CDH3: variants seen among roughly 807,000 people sequenced by gnomAD.
CDH3 encodes cadherin 3, also known as cadherin-3.
In CDH3, 54 loss-of-function variants were observed where a neutral mutation model predicts 82.0. The observed-to-expected ratio is 0.66, with a 90% CI of 0.53 to 0.83. The LOEUF is 0.83. CDH3 is among the 40% of genes least tolerant of loss of function. The probability of loss-of-function intolerance (pLI) is 0.00; values close to 1 mark genes in which losing one functional copy is unlikely to be tolerated. For synonymous variants in CDH3, 446 were observed against 437.9 expected (o/e 1.02, Z -0.23); for missense variants, 1,054 against 1,084.6 (o/e 0.97, Z 0.40).
downstream of CDH3, among the ~76,000 whole-genome samples, chr16:68,729,166 A>C (rs926144618): frequency 2.6e-5 from 4 of 152,250 alleles, no homozygotes; most frequent in South Asian, 8.3e-4. Context: ...TTAGCTGCTC[A>C]TGGTGGTGCT....
downstream of CDH3, among the ~76,000 whole-genome samples, chr16:68,703,354 C>T (rs186108529): frequency 2.6e-5 from 4 of 152,300 alleles, no homozygotes; most frequent in East Asian, 7.7e-4. Context: ...AAGACCCAGC[C>T]CGGGGACTGC....
chr16:68,705,947 C>G (rs925315341), intron 1 of CDH3, among the ~76,000 whole-genome samples: 2 of 151,184 alleles, frequency 1.3e-5, no homozygotes, highest in Admixed American at 1.3e-4. Context: ...TGCCTGTAGT[C>G]CCAGCTACTC....
At chr16:68,706,534 G>C (rs1344019158) in intron 1 of CDH3, among the ~76,000 whole-genome samples, 1 of 141,236 alleles carries the variant, frequency 7.1e-6, no homozygotes, top group Non-Finnish European at 1.5e-5. Flanking sequence ...GGTTCTAGTA[G>C]TCACATTTCC....
At chr16:68,697,619 G>A (rs1961769306) in intron 15 of CDH3, among the ~76,000 whole-genome samples, 1 of 152,158 alleles carries the variant, frequency 6.6e-6, no homozygotes, top group African/African-American at 2.4e-5. Flanking sequence ...AACTGGGTGT[G>A]GCCTGGGCTT....
At chr16:68,727,968 C>T (rs947448066), downstream of CDH3, among the ~76,000 whole-genome samples, 2 of 152,024 alleles carry the variant, frequency 1.3e-5, no homozygotes, top group Non-Finnish European at 2.9e-5. Context: ...TTATAGCAAA[C>T]GGCTGTATGA....
chr16:68,697,970 T>C, intron 15 of CDH3: 1 of 624,494 alleles, frequency 1.6e-6, no homozygotes, highest in Non-Finnish European at 2.9e-6. Flanking sequence ...GGCTGTCTGA[T>C]TTCAGTCCTT....
At chr16:68,683,781 G>C (rs551079720) in intron 9 of CDH3, among the ~76,000 whole-genome samples, 2 of 148,486 alleles carry the variant, frequency 1.3e-5, no homozygotes, top group African/African-American at 5.0e-5. Flanking sequence ...TAAAAAATTC[G>C]CTGGGGCCGG....
chr16:68,692,640 C>T (rs997948786), intron 13 of CDH3, among the ~76,000 whole-genome samples: 3 of 152,220 alleles, frequency 2.0e-5, no homozygotes, highest in African/African-American at 7.2e-5. Context: ...CATTCTGATA[C>T]ATGCTAGAGT....
At chr16:68,723,457 C>T (rs1391572175) in intron 2 of CDH3, among the ~76,000 whole-genome samples, 2 of 152,180 alleles carry the variant, frequency 1.3e-5, no homozygotes, top group African/African-American at 4.8e-5. Context: ...TGCCAGTTTT[C>T]AATCTCAAGA....
intron 2 of CDH3, among the ~76,000 whole-genome samples, chr16:68,653,529 G>C (rs1005641903): frequency 1.3e-5 from 2 of 151,288 alleles, no homozygotes; most frequent in Admixed American, 6.6e-5. Context: ...GAGCCATCGC[G>C]CCCGGCCGGC....
intron 1 of CDH3, 37 bp downstream of exon 1, chr16:68,645,461 G>T (rs1333731032): frequency 6.2e-7 from 1 of 1,606,660 alleles, no homozygotes; most frequent in South Asian, 1.1e-5. Flanking sequence ...GACCGGGACC[G>T]CTCCCTGGGG....
At chr16:68,658,704 A>C (rs1295108765) in intron 2 of CDH3, among the ~76,000 whole-genome samples, 1 of 152,148 alleles carries the variant, frequency 6.6e-6, no homozygotes, top group African/African-American at 2.4e-5. Flanking sequence ...CGCTTCATCC[A>C]GGCTTCCCAC....
At chr16:68,732,416 C>G (rs777881694), downstream of CDH3, among the ~76,000 whole-genome samples, 4 of 152,326 alleles carry the variant, frequency 2.6e-5, no homozygotes, top group Non-Finnish European at 5.9e-5. Context: ...AATCTTTAGC[C>G]TCCAGGCAGG....
intron 2 of CDH3, among the ~76,000 whole-genome samples, chr16:68,649,637 G>T (rs1960181372): frequency 6.6e-6 from 1 of 152,022 alleles, no homozygotes; most frequent in East Asian, 2.0e-4. Context: ...CCTGGGTAAG[G>T]GGGGTCCCTG....
At chr16:68,721,423 G>A (rs990621772) in intron 1 of CDH3, among the ~76,000 whole-genome samples, 3 of 148,600 alleles carry the variant, frequency 2.0e-5, no homozygotes, top group African/African-American at 7.3e-5. Flanking sequence ...TAGTAGAGAC[G>A]GGGTTTCACC....
At chr16:68,712,274 C>A (rs1962041180) in intron 1 of CDH3, among the ~76,000 whole-genome samples, 1 of 147,094 alleles carries the variant, frequency 6.8e-6, no homozygotes, top group South Asian at 2.2e-4. Flanking sequence ...TGGGCTCAAG[C>A]AATCCTCCCA....
intron 2 of CDH3, among the ~76,000 whole-genome samples, chr16:68,665,633 C>T (rs1960712413): frequency 6.6e-6 from 1 of 152,182 alleles, no homozygotes; most frequent in South Asian, 2.1e-4. Flanking sequence ...TTAATTGTTA[C>T]CACAGCTGTC....
intron 13 of CDH3, among the ~76,000 whole-genome samples, chr16:68,693,922 G>C (rs932738504): frequency 6.6e-6 from 1 of 152,132 alleles, no homozygotes; most frequent in African/African-American, 2.4e-5. Context: ...TAGCCTGCCA[G>C]CCTTTCAGAC....
intron 2 of CDH3, among the ~76,000 whole-genome samples, chr16:68,649,291 A>G (rs1275591307): frequency 6.6e-6 from 1 of 152,168 alleles, no homozygotes; most frequent in Non-Finnish European, 1.5e-5. Context: ...CTTTGGGAGG[A>G]AGCTTCCAAG....
Sources: allele counts gnomAD v4.1 joint callset (sites outside exome capture counted in the v4.1 genomes callset), GRCh38; gene constraint gnomAD v4.1.1; transcripts MANE v1.5; gene names NCBI Gene and HGNC (gene_info 2026-07-23, HGNC 2026-07-21).